ZFYVE1: variants seen among roughly 807,000 people sequenced by gnomAD.
ZFYVE1 encodes zinc finger FYVE-type containing 1, also known as zinc finger FYVE domain-containing protein 1.
Under a neutral mutation model 74.4 loss-of-function variants are expected in ZFYVE1, and 30 were observed. The observed-to-expected ratio is 0.40, with a 90% confidence interval of 0.30 to 0.55. The LOEUF (loss-of-function observed/expected upper bound fraction) is 0.55. Ranked by LOEUF, ZFYVE1 falls within the 20% of genes least tolerant of loss-of-function variation. ZFYVE1 has a pLI of 0.42. For synonymous variants in ZFYVE1, 335 were observed against 385.1 expected, an observed-to-expected ratio of 0.87 and a Z score of 1.52; for missense variants, 703 against 1,011.6, an observed-to-expected ratio of 0.69 and a Z score of 4.14.
In ZFYVE1 at chr14:72,978,925, G is replaced by A. The variant is rs748468409; in HGVS notation, c.1355C>T (p.Pro452Leu). The change falls in exon 6 of 12, where the codon CCT becomes CTT. Residue 452 changes from proline (P) to leucine (L), a missense_variant. Physicochemically the swap from Pro to Leu is moderately conservative, Grantham distance 98 (BLOSUM62 -3). This residue lies in a region of ZFYVE1 where 492 missense variants were observed against 790.0 expected (regional missense o/e 0.62). Transcript: ENST00000556143. ...KSMNHGKEGV[P>L]HEAKSRCRYS... ...TCTGCAGCGGCTCTTGGCTTCATGA[G>A]GCACTCCTTCCTTCCCATGATTCAT... 5 of 1,613,938 alleles carry A rather than the reference G, an allele frequency of 3.1e-6. No homozygotes were observed.
intron 2 of ZFYVE1, among the ~76,000 whole-genome samples, chr14:73,019,140 A>G (rs895503203): frequency 6.6e-6 from 1 of 152,084 alleles, no homozygotes; most frequent in African/African-American, 2.4e-5. Context: ...TAAAATGTTC[A>G]CCCTTAAAGG....
At chr14:73,020,613 A>G (rs925982284) in intron 2 of ZFYVE1, among the ~76,000 whole-genome samples, 2 of 152,130 alleles carry the variant, frequency 1.3e-5, no homozygotes, top group East Asian at 1.9e-4. Context: ...CAGCCTCCCA[A>G]AGTGATGTGA....
At chr14:72,991,602 GC>G (rs11297245) in intron 4 of ZFYVE1, among the ~76,000 whole-genome samples, 56,282 of 151,852 alleles carry the variant, frequency 0.37, 11,188 homozygotes, top group South Asian at 0.5. Flanking sequence ...CAGATTTACA[GC>G]CCCTTTGCCT....
At chr14:73,023,577 T>A (rs58178546) in intron 2 of ZFYVE1, among the ~76,000 whole-genome samples, 5 of 150,838 alleles carry the variant, frequency 3.3e-5, no homozygotes, top group Non-Finnish European at 5.9e-5. Context: ...TGGGACCCAC[T>A]GTTAGTGTGT....
At chr14:73,026,681 G>C (rs2140396996) in intron 1 of ZFYVE1, among the ~76,000 whole-genome samples, 1 of 151,386 alleles carries the variant, frequency 6.6e-6, no homozygotes, top group South Asian at 2.1e-4. Flanking sequence ...CCTTCCACCC[G>C]GACACCACCG....
Position 73,006,862 on chromosome 14 carries a change from C to T in ZFYVE1, c.484-8547G>A, listed in dbSNP as rs181070169. 6.3e-3 allele frequency among the ~76,000 whole-genome samples: 952 copies of T among 151,600 alleles called. 2 individuals are homozygous for T. The highest frequency in any genetic ancestry group is 0.011 in the Non-Finnish European group (730 of 67,806). On this transcript the variant is annotated intron_variant, in intron 2 of 11. Coordinates refer to ENST00000556143, the MANE Select transcript of ZFYVE1 (RefSeq NM_021260.4). The stretch of plus-strand genomic sequence containing the variant: ...TCCTGAGTAGCTGGGACTACAGACA[C>T]GTGCCACCATACCTAGGTAATTTTT...
At position 72,969,755 on chromosome 14, in the gene ZFYVE1, G is replaced by A. The variant is rs549852579; in HGVS notation, c.*1127C>T. On this transcript the variant is annotated 3_prime_UTR_variant, in exon 12 of 12. Transcript: ENST00000556143. ...CAGTCATGACAGACAGAGATGTCCA[G>A]GCTCTTGAGGAGAAACAAAAGTTCC... 1.4e-5 allele frequency: 10 copies of A among 702,350 alleles called. No homozygotes were observed. Among genetic ancestry groups the A allele is most frequent in the Non-Finnish European group, 2.3e-5 (9 of 384,792 alleles). 43.5% of individuals were successfully genotyped at this position (702,350 alleles called of 1,614,324 possible).
chr14:73,001,755 C>G (rs1893877677), intron 2 of ZFYVE1, among the ~76,000 whole-genome samples: 2 of 56,702 alleles, frequency 3.5e-5, no homozygotes, highest in Non-Finnish European at 7.4e-5. Flanking sequence ...TCGAGACCAG[C>G]CTGACCAACA....
chr14:72,970,866 G>A lies in ZFYVE1; in HGVS notation c.*16C>T, dbSNP rs372861288. 55 of 1,612,906 alleles carry A rather than the reference G, an allele frequency of 3.4e-5. No homozygotes were observed. The highest frequency in any genetic ancestry group is 1.5e-4 in the Admixed American group (9 of 60,010). On this transcript the variant is annotated 3_prime_UTR_variant, in exon 12 of 12. Transcript: ENST00000556143. ...GAACCTAAGGAATTGTGAAGGACTC[G>A]GAGAGGGGGCTGGGGTTAAAGGTCA...
At chr14:72,998,421 C>A in intron 2 of ZFYVE1, 106 bp from the exon 3 acceptor site, 1 of 1,136,504 alleles carries the variant, frequency 8.8e-7, no homozygotes, top group Non-Finnish European at 1.2e-6. Context: ...ATTGAATTGT[C>A]AAAGAAAGGA....
At position 72,969,826 on chromosome 14, in the gene ZFYVE1, G is replaced by A. The variant is rs1360996689; in HGVS notation, c.*1056C>T. On this transcript the variant is annotated 3_prime_UTR_variant, in exon 12 of 12. Coordinates refer to ENST00000556143, the MANE Select transcript of ZFYVE1 (RefSeq NM_021260.4). The stretch of plus-strand genomic sequence containing the variant: ...CCAAAGAGATAAATTTTTTCTTTAC[G>A]ATCTGTTGAAATATTTATATAGACT... 1.0e-5 allele frequency: 7 copies of A among 678,408 alleles called. No individual in the cohort carries two copies. Among genetic ancestry groups the A allele is most frequent in the East Asian group, 2.7e-5 (1 of 37,162 alleles). The allele number at this position is 678,408 out of a possible 1,614,324, so 42.0% of individuals were successfully genotyped here. A position where few individuals can be genotyped will look rare whatever the true frequency, so the allele number is the denominator to read the frequency against.
In ZFYVE1 at chr14:72,981,832, G is replaced by C; in HGVS notation, c.1267C>G (p.Pro423Ala). 1 of 1,614,070 alleles carries C rather than the reference G, an allele frequency of 6.2e-7. No individual in the cohort carries two copies. The highest frequency in any genetic ancestry group is 8.5e-7 in the Non-Finnish European group (1 of 1,180,006). The change falls in exon 5 of 12, where the codon CCA becomes GCA. Residue 423 changes from proline to alanine, a missense_variant. Physicochemically the swap from Pro to Ala is conservative, Grantham distance 27. This residue lies in a region of ZFYVE1 where 492 missense variants were observed against 790.0 expected (regional missense o/e 0.62). Coordinates refer to ENST00000556143, the MANE Select transcript of ZFYVE1 (RefSeq NM_021260.4). ...DDQMAHSSFF[P>A]DEYFTCSSLC... is the part of the protein sequence containing the mutation. Reference sequence around the variant, plus strand: ...GAGGAGCAGGTGAAATACTCATCTGGAAAAAAGGAGCTGTGCGCCATCTGG... The same window carrying C: ...GAGGAGCAGGTGAAATACTCATCTGCAAAAAAGGAGCTGTGCGCCATCTGG...
chr14:73,019,337 T>G (rs931368959), intron 2 of ZFYVE1, among the ~76,000 whole-genome samples: 4 of 152,028 alleles, frequency 2.6e-5, no homozygotes, highest in Non-Finnish European at 5.9e-5. Context: ...TCTCAGCTAC[T>G]TGGGAGGCTG....
chr14:73,025,900 T>G (rs1449742446), intron 1 of ZFYVE1, among the ~76,000 whole-genome samples: 2 of 152,102 alleles, frequency 1.3e-5, no homozygotes, highest in East Asian at 3.9e-4. Flanking sequence ...CACCCCCACA[T>G]GCATCCCACA....
At chr14:73,015,139 G>C (rs917679731) in intron 2 of ZFYVE1, among the ~76,000 whole-genome samples, 26 of 150,550 alleles carry the variant, frequency 1.7e-4, no homozygotes, top group African/African-American at 6.1e-4. Flanking sequence ...GCTGAGGCAG[G>C]AGAATTGCAC....
chr14:72,997,699 G>A, intron 3 of ZFYVE1, 112 bp downstream of exon 3: 1 of 1,374,854 alleles, frequency 7.3e-7, no homozygotes, highest in Non-Finnish European at 9.9e-7. Context: ...TGTCTTCTTT[G>A]GACAGAAATC....
At position 72,974,951 on chromosome 14, in the gene ZFYVE1, G is replaced by A; in HGVS notation, c.1815C>T (p.Asn605=). 1 of 1,608,190 alleles carries A rather than the reference G, an allele frequency of 6.2e-7. No homozygotes were observed. ...WRPNSQILSC[N]KCATSFKDND... ...TATCTTTAAAGGACGTCGCACACTT[G>A]TTGCAGCTCTGTTCCAAGCCCAAAA... The change falls in exon 10 of 12, where the codon AAC becomes AAT. Residue 605 remains asparagine, a synonymous_variant. Transcript: ENST00000556143.
chr14:73,015,937 A>T (rs1349720955), intron 2 of ZFYVE1, among the ~76,000 whole-genome samples: 1 of 152,024 alleles, frequency 6.6e-6, no homozygotes, highest in East Asian at 1.9e-4. Context: ...AAAATAAATA[A>T]ATAAATAAAA....
chr14:73,018,766 A>AC (rs1175441516), intron 2 of ZFYVE1, among the ~76,000 whole-genome samples: 2 of 152,046 alleles, frequency 1.3e-5, no homozygotes, highest in Non-Finnish European at 2.9e-5. Flanking sequence ...ACATGGGGAA[A>AC]CCCCATCTCT....
Sources: gnomAD v4.1 joint callset for allele counts (sites outside exome capture counted in the v4.1 genomes callset) on GRCh38, gnomAD v4.1.1 for gene constraint, gnomAD v4.1.1 regional missense constraint, MANE v1.5 for transcripts, NCBI Gene and HGNC (gene_info 2026-07-23, HGNC 2026-07-21) for gene names.